Variants in FBXO40 observed in about 807,000 individuals in gnomAD.
FBXO40 encodes the protein F-box only protein 40.
A neutral mutation model predicts 49.9 loss-of-function variants in FBXO40; 50 were observed. The ratio of observed to expected loss-of-function variants is 1.00; its 90% CI spans 0.80 to 1.27. FBXO40 has a LOEUF of 1.27. FBXO40 is among the 50% of genes most tolerant of loss of function. FBXO40 has a pLI of 0.00. For synonymous variants in FBXO40, 340 were observed against 320.2 expected, an observed-to-expected ratio of 1.06 and a Z score of -0.66; for missense variants, 895 against 870.1, an observed-to-expected ratio of 1.03 and a Z score of -0.36.
At chr3:121,605,216 C>A (rs2048925840) in intron 1 of FBXO40, among the ~76,000 whole-genome samples, 1 of 152,128 alleles carries the variant, frequency 6.6e-6, no homozygotes, top group East Asian at 1.9e-4. Flanking sequence ...GGATTACAGG[C>A]ATGAGCCACC....
chr3:121,626,621 T>C, intron 3 of FBXO40, 74 bp from the exon 4 acceptor site: 2 of 1,316,742 alleles, frequency 1.5e-6, no homozygotes. Flanking sequence ...GATATTTCCT[T>C]ATAGTGCCCA....
At position 121,627,328 on chromosome 3, in the gene FBXO40, GA is replaced by G. The variant is rs1272779876; in HGVS notation, c.*421del. 1.1e-5 allele frequency: 2 copies of G among 188,896 alleles called. No individual in the cohort carries two copies. The highest frequency in any genetic ancestry group is 2.2e-5 in the Non-Finnish European group (2 of 90,884). The allele number at this position is 188,896 out of a possible 1,614,324, so 11.7% of individuals were successfully genotyped here. A position where few individuals can be genotyped will look rare whatever the true frequency, so the allele number is the denominator to read the frequency against. On this transcript the variant is annotated 3_prime_UTR_variant, in exon 4 of 4. Transcript: ENST00000338040. Reference sequence around the variant, plus strand: ...AAGCACTTTCAAATTTATGGGACAGGAAATGCAGGATGGGACTCCCCAGGGA... The same window carrying G: ...AAGCACTTTCAAATTTATGGGACAGGAATGCAGGATGGGACTCCCCAGGGA...
At position 121,622,136 on chromosome 3, in the gene FBXO40, C is replaced by T. The variant is rs760874090; in HGVS notation, c.707C>T (p.Ala236Val). 10 of 1,613,994 alleles carry T rather than the reference C, an allele frequency of 6.2e-6. No individual in the cohort carries two copies. Among genetic ancestry groups the T allele is most frequent in the African/African-American group, 2.7e-5 (2 of 74,916 alleles). ...HAASALTNSS[A>V]SCESKNKNDS... The stretch of plus-strand genomic sequence containing the variant: ...GCCTCTGCTTTAACAAATTCATCAG[C>T]GAGCTGTGAGAGCAAGAACAAGAAT... The change falls in exon 3 of 4, where the codon GCG becomes GTG. Residue 236 changes from alanine to valine, a missense_variant. Coordinates refer to ENST00000338040, the MANE Select transcript of FBXO40 (RefSeq NM_016298.4).
At chr3:121,595,809 C>G (rs1375162577) in intron 1 of FBXO40, among the ~76,000 whole-genome samples, 2 of 152,128 alleles carry the variant, frequency 1.3e-5, no homozygotes, top group Non-Finnish European at 2.9e-5. Flanking sequence ...ATTAAAGTAA[C>G]TAATTAATTG....
At chr3:121,625,583 C>T (rs1410125683) in intron 3 of FBXO40, among the ~76,000 whole-genome samples, 1 of 152,162 alleles carries the variant, frequency 6.6e-6, no homozygotes, top group Non-Finnish European at 1.5e-5. Flanking sequence ...ACACTGCCTT[C>T]AGGAATCGTA....
At chr3:121,594,480 C>A (rs2048861431) in intron 1 of FBXO40, among the ~76,000 whole-genome samples, 1 of 152,164 alleles carries the variant, frequency 6.6e-6, no homozygotes, top group Non-Finnish European at 1.5e-5. Flanking sequence ...AGAATACAAG[C>A]ATGAGCCGCT....
rs370131239 is a variant in FBXO40 at position 121,622,773 on chromosome 3, C to T, written c.1344C>T (p.Thr448=). 5.0e-5 allele frequency: 81 copies of T among 1,614,062 alleles called. No individual in the cohort carries two copies. Among genetic ancestry groups the T allele is most frequent in the Middle Eastern group, 4.9e-4 (3 of 6,084 alleles). The stretch of plus-strand genomic sequence containing the variant: ...CTGGGACAGTGCTGGCTGACCTAAC[C>T]GCTGCCACCCCAGGGGGACTCCACG... ...FSSGTVLADL[T]AATPGGLHVE... is the part of the protein sequence containing the mutation. Residue 448 remains threonine (T), a synonymous_variant, in exon 3 of 4, where the codon ACC becomes ACT. Coordinates refer to ENST00000338040, the MANE Select transcript of FBXO40 (RefSeq NM_016298.4).
intron 1 of FBXO40, among the ~76,000 whole-genome samples, chr3:121,614,749 C>T (rs928123019): frequency 8.5e-5 from 13 of 152,184 alleles, no homozygotes; most frequent in Non-Finnish European, 1.8e-4. Context: ...ATGAGCCCCA[C>T]TTACCCAAAG....
chr3:121,595,323 T>C (rs956711788), intron 1 of FBXO40, among the ~76,000 whole-genome samples: 2 of 152,230 alleles, frequency 1.3e-5, no homozygotes, highest in African/African-American at 4.8e-5. Context: ...CCAAGGTGTA[T>C]GCTGGGATGC....
At chr3:121,613,304 G>C (rs1236360538) in intron 1 of FBXO40, among the ~76,000 whole-genome samples, 1 of 152,090 alleles carries the variant, frequency 6.6e-6, no homozygotes, top group Non-Finnish European at 1.5e-5. Context: ...AGGAACTACT[G>C]GAGCCAGTAG....
intron 1 of FBXO40, among the ~76,000 whole-genome samples, chr3:121,608,518 C>T (rs1185918081): frequency 2.0e-5 from 3 of 152,130 alleles, no homozygotes; most frequent in Non-Finnish European, 2.9e-5. Flanking sequence ...TGGTTTAGAG[C>T]GTCTGTGGAC....
rs558153412 is a variant in FBXO40 at position 121,597,618 on chromosome 3, C to G, written c.-31+4116C>G. On this transcript the variant is annotated intron_variant, in intron 1 of 3. Transcript: ENST00000338040. The stretch of plus-strand genomic sequence containing the variant: ...CTATTACACACTCCCTATTTCATCT[C>G]ATTGGATCCTTGTGCAACCCTATTG... 7.1e-4 allele frequency among the ~76,000 whole-genome samples: 107 copies of G among 149,674 alleles called. 3 individuals are homozygous for G. The South Asian group carries it at 0.022, about 31-fold the overall frequency.
At chr3:121,599,187 G>T (rs751876260) in intron 1 of FBXO40, among the ~76,000 whole-genome samples, 1 of 152,068 alleles carries the variant, frequency 6.6e-6, no homozygotes. Flanking sequence ...GAACACAGGG[G>T]CCAGGGGTGG....
At chr3:121,611,408 G>T (rs930087528) in intron 1 of FBXO40, among the ~76,000 whole-genome samples, 1 of 152,156 alleles carries the variant, frequency 6.6e-6, no homozygotes, top group Non-Finnish European at 1.5e-5. Context: ...TTCAAGGGAT[G>T]GTACTATACC....
chr3:121,627,140 T>C lies in FBXO40; in HGVS notation c.*230T>C, dbSNP rs2049066691. 1.9e-6 allele frequency: 1 copy of C among 527,028 alleles called. No homozygotes were observed. Among genetic ancestry groups the C allele is most frequent in the East Asian group, 3.2e-5 (1 of 31,246 alleles). 32.6% of individuals were successfully genotyped at this position (527,028 alleles called of 1,614,324 possible). A position where few individuals can be genotyped will look rare whatever the true frequency, so the allele number is the denominator to read the frequency against. On this transcript the variant is annotated 3_prime_UTR_variant, in exon 4 of 4. Coordinates refer to ENST00000338040, the MANE Select transcript of FBXO40 (RefSeq NM_016298.4). ...ATGACTTGTTTCCTTTTTTCTTTTCTTTTCTTTTCTTTTTTCTTTCTTTCT... is the reference window on the plus strand; with the variant it reads ...ATGACTTGTTTCCTTTTTTCTTTTCCTTTCTTTTCTTTTTTCTTTCTTTCT...
intron 1 of FBXO40, among the ~76,000 whole-genome samples, chr3:121,600,362 C>T (rs1277006312): frequency 6.6e-6 from 1 of 152,080 alleles, no homozygotes; most frequent in East Asian, 1.9e-4. Flanking sequence ...GTTTTTAACC[C>T]TACAACCTTC....
chr3:121,623,752 G>A (rs2049047345), intron 3 of FBXO40, among the ~76,000 whole-genome samples: 1 of 134,192 alleles, frequency 7.5e-6, no homozygotes. Context: ...GCAATGGCAT[G>A]ATCTTGGCTC....
intron 1 of FBXO40, among the ~76,000 whole-genome samples, chr3:121,610,987 G>C (rs2048961361): frequency 6.6e-6 from 1 of 152,180 alleles, no homozygotes; most frequent in Admixed American, 6.5e-5. Flanking sequence ...GCCCCTGGTT[G>C]CAGGCTGCCA....
In FBXO40 at chr3:121,611,303, T is replaced by C. The variant is rs183095921; in HGVS notation, c.-30-9243T>C. On this transcript the variant is annotated intron_variant, in intron 1 of 3. Transcript: ENST00000338040. Reference sequence around the variant, plus strand: ...TTTTTTCTGATTATTATCTTCATTATTTCAGCAAAAAGGAATGTAGTAGGA... The same window carrying C: ...TTTTTTCTGATTATTATCTTCATTACTTCAGCAAAAAGGAATGTAGTAGGA... Among the ~76,000 whole-genome samples, 96 of 152,294 alleles carry C rather than the reference T, an allele frequency of 6.3e-4. 1 individual carries two copies. Among genetic ancestry groups the C allele is most frequent in the East Asian group, 2.5e-3 (13 of 5,188 alleles).
Sources: allele counts gnomAD v4.1 joint callset (sites outside exome capture counted in the v4.1 genomes callset), GRCh38; gene constraint gnomAD v4.1.1; transcripts MANE v1.5; gene names NCBI Gene and HGNC (gene_info 2026-07-23, HGNC 2026-07-21).